The following PPIL6 variants were observed in gnomAD, a reference collection of about 807,000 sequenced individuals.
PPIL6 encodes the protein probable inactive peptidyl-prolyl cis-trans isomerase-like 6.
Under a neutral mutation model 36.8 loss-of-function variants are expected in PPIL6, and 39 were observed. The observed-to-expected ratio is 1.06, with a 90% CI of 0.82 to 1.38. The LOEUF (loss-of-function observed/expected upper bound fraction) is 1.38, where lower values mean the gene tolerates loss of function less well. PPIL6 is among the 40% of genes most tolerant of loss of function. The pLI is 0.00. For synonymous variants in PPIL6, 123 were observed against 134.1 expected, an observed-to-expected ratio of 0.92 and a Z score of 0.57; for missense variants, 368 against 379.1, an observed-to-expected ratio of 0.97 and a Z score of 0.24.
chr6:109,427,178 A>G (rs770823587), intron 3 of PPIL6, 22 bp from the exon 4 acceptor site: 9 of 1,581,414 alleles, frequency 5.7e-6, no homozygotes, highest in Admixed American at 3.4e-5. Flanking sequence ...AAGGAGAATC[A>G]TATAATGCAG....
intron 3 of PPIL6, among the ~76,000 whole-genome samples, chr6:109,427,910 C>G (rs1773912162): frequency 6.6e-6 from 1 of 152,210 alleles, no homozygotes; most frequent in Non-Finnish European, 1.5e-5. Context: ...GATTTGGTTA[C>G]TGTGCGTCCT....
At chr6:109,393,361 G>C (rs946413016) in intron 7 of PPIL6, among the ~76,000 whole-genome samples, 1 of 151,942 alleles carries the variant, frequency 6.6e-6, no homozygotes, top group Non-Finnish European at 1.5e-5. Context: ...GTGCTTACCA[G>C]GTGTGTGCCA....
chr6:109,440,829 C>T (rs970982818), upstream of PPIL6: 1 of 398,570 alleles, frequency 2.5e-6, no homozygotes, highest in Non-Finnish European at 4.4e-6. Context: ...CGGGGGCGCT[C>T]TCCGGACCCC....
intron 6 of PPIL6, among the ~76,000 whole-genome samples, chr6:109,406,493 T>G (rs1421837584): frequency 6.6e-6 from 1 of 152,234 alleles, no homozygotes. Flanking sequence ...AGCCTCATCA[T>G]GTCTGGTTGT....
In PPIL6 at chr6:109,417,171, T is replaced by TA. The variant is rs929868840; in HGVS notation, c.688+2015dup. Among the ~76,000 whole-genome samples the TA allele has an allele frequency of 3.2e-3, 421 of 133,208 alleles. 3 individuals carry two copies. Among genetic ancestry groups the TA allele is most frequent in the Middle Eastern group, 7.6e-3 (2 of 262 alleles). 87.4% of individuals were successfully genotyped at this position (133,208 alleles called of 152,430 possible). A position where few individuals can be genotyped will look rare whatever the true frequency, so the allele number is the denominator to read the frequency against. On this transcript the variant is annotated intron_variant, in intron 6 of 7. Coordinates refer to ENST00000521072, the MANE Select transcript of PPIL6 (RefSeq NM_173672.5). ...GACGACAAAGTGAGATCCTGTCTCT[T>TA]AAAAAAAAAAAAAAGAAAAAAAAAG...
At chr6:109,432,781 C>T (rs1345475798) in intron 2 of PPIL6, among the ~76,000 whole-genome samples, 1 of 151,824 alleles carries the variant, frequency 6.6e-6, no homozygotes, top group Non-Finnish European at 1.5e-5. Flanking sequence ...TTCTAACAAC[C>T]TCCTAGGAGG....
chr6:109,437,743 C>T (rs570313437), intron 1 of PPIL6, among the ~76,000 whole-genome samples: 7 of 151,940 alleles, frequency 4.6e-5, no homozygotes, highest in South Asian at 4.2e-4. Context: ...TTAGCAGAGA[C>T]GAGGTTTCAC....
chr6:109,434,126 A>C (rs1161977299), intron 2 of PPIL6, among the ~76,000 whole-genome samples: 2 of 152,222 alleles, frequency 1.3e-5, no homozygotes, highest in Admixed American at 1.3e-4. Flanking sequence ...GTATTGTTTT[A>C]TATTAGGGTG....
At position 109,399,993 on chromosome 6, in the gene PPIL6, A is replaced by G. The variant is rs528175722; in HGVS notation, c.824+42T>C. 31 of 1,484,504 alleles carry G rather than the reference A, an allele frequency of 2.1e-5. No homozygotes were observed. The Admixed American group carries it at 4.1e-4, about 20-fold the overall frequency. The allele number at this position is 1,484,504 out of a possible 1,614,324, so 92.0% of individuals were successfully genotyped here. On this transcript the variant is annotated intron_variant, in intron 7 of 7. Coordinates refer to ENST00000521072, the MANE Select transcript of PPIL6 (RefSeq NM_173672.5). ...CCAAATATTTTTAAATGACATTTTT[A>G]CAGGTGTGAATATTATATAAATAGA...
intron 5 of PPIL6, among the ~76,000 whole-genome samples, chr6:109,423,990 C>T (rs1191384889): frequency 6.6e-6 from 1 of 152,096 alleles, no homozygotes; most frequent in African/African-American, 2.4e-5. Flanking sequence ...TTTCTGCCCC[C>T]ATGGAATTTA....
intron 5 of PPIL6, among the ~76,000 whole-genome samples, chr6:109,419,705 G>GA (rs1172685329): frequency 6.6e-6 from 1 of 151,354 alleles, no homozygotes; most frequent in African/African-American, 2.4e-5. Context: ...CCTGAGCAAC[G>GA]AGAGTGAAAC....
At chr6:109,428,760 G>A (rs1773963194) in intron 3 of PPIL6, among the ~76,000 whole-genome samples, 1 of 151,854 alleles carries the variant, frequency 6.6e-6, no homozygotes, top group Admixed American at 6.6e-5. Context: ...ATTAATTTGT[G>A]CCTCTCAGCT....
At chr6:109,398,715 TGAATA>T (rs1230719759) in intron 7 of PPIL6, among the ~76,000 whole-genome samples, 1 of 152,240 alleles carries the variant, frequency 6.6e-6, no homozygotes, top group Non-Finnish European at 1.5e-5. Flanking sequence ...ATATGTAACT[TGAATA>T]GTTTTCATCT....
chr6:109,437,790 G>A (rs1774536706), intron 1 of PPIL6, among the ~76,000 whole-genome samples: 1 of 152,004 alleles, frequency 6.6e-6, no homozygotes, highest in South Asian at 2.1e-4. Flanking sequence ...GGCTGGTCTT[G>A]AACTCCTGAC....
At chr6:109,399,198 C>T (rs1177329826) in intron 7 of PPIL6, among the ~76,000 whole-genome samples, 2 of 151,624 alleles carry the variant, frequency 1.3e-5, no homozygotes, top group African/African-American at 4.8e-5. Context: ...ACCTCTGCCT[C>T]CTGGGTTCAA....
intron 2 of PPIL6, among the ~76,000 whole-genome samples, chr6:109,434,367 C>T (rs1774329997): frequency 6.6e-6 from 1 of 151,816 alleles, no homozygotes; most frequent in South Asian, 2.1e-4. Context: ...ACCAGCTTGG[C>T]CAAAATAGCG....
chr6:109,440,649 C>T, upstream of PPIL6: 2 of 1,169,476 alleles, frequency 1.7e-6, no homozygotes, highest in Non-Finnish European at 2.1e-6. Flanking sequence ...GGCAACCGCG[C>T]GGCCCCGCCT....
At position 109,395,052 on chromosome 6, in the gene PPIL6, A is replaced by C. The variant is rs192363613; in HGVS notation, c.825-2115T>G. 3.3e-5 allele frequency among the ~76,000 whole-genome samples: 5 copies of C among 152,238 alleles called. No homozygotes were observed. The East Asian group carries it at 9.7e-4, about 29-fold the overall frequency. ...CTCCAACCAGTTCCCAAATCCTAGGAGTTACTCTAGACCTGCACTGCCCAA... is the reference window on the plus strand; with the variant it reads ...CTCCAACCAGTTCCCAAATCCTAGGCGTTACTCTAGACCTGCACTGCCCAA... On this transcript the variant is annotated intron_variant, in intron 7 of 7. Transcript: ENST00000521072.
At chr6:109,395,291 C>T (rs1772248697) in intron 7 of PPIL6, among the ~76,000 whole-genome samples, 1 of 151,912 alleles carries the variant, frequency 6.6e-6, no homozygotes, top group African/African-American at 2.4e-5. Context: ...CCTATAATCC[C>T]AGCTACTTGG....
Sources: gnomAD v4.1 joint callset for allele counts (sites outside exome capture counted in the v4.1 genomes callset) on GRCh38, gnomAD v4.1.1 for gene constraint, MANE v1.5 for transcripts, NCBI Gene and HGNC (gene_info 2026-07-23, HGNC 2026-07-21) for gene names.